LY9: variants seen among roughly 807,000 people sequenced by gnomAD.
LY9 encodes the protein lymphocyte antigen 9.
A neutral mutation model predicts 64.6 loss-of-function variants in LY9; 59 were observed. The observed-to-expected ratio is 0.91, with a 90% CI of 0.74 to 1.13. The LOEUF (loss-of-function observed/expected upper bound fraction) is 1.13, where lower values mean the gene tolerates loss of function less well. Ranked by LOEUF, LY9 falls within the 50% of genes most tolerant of loss-of-function variation. The pLI is 0.00. For synonymous variants in LY9, 281 were observed against 308.5 expected, an observed-to-expected ratio of 0.91 and a Z score of 0.93; for missense variants, 789 against 797.2, an observed-to-expected ratio of 0.99 and a Z score of 0.12.
Position 160,813,899 on chromosome 1 carries a change from C to T in LY9, c.718C>T (p.Gln240Ter). The change falls in exon 3 of 10, where the codon CAG becomes TAG. Residue 240 changes from glutamine (Q) to a stop codon, truncating the protein, a stop_gained. Transcript: ENST00000263285. LOFTEE classifies it high-confidence loss of function. ...AAGCTCCCTCCCTGTCCATGTTGGGCAGTTCTGTACAGGTAACTGGCTCCA... is the reference window on the plus strand; with the variant it reads ...AAGCTCCCTCCCTGTCCATGTTGGGTAGTTCTGTACAGGTAACTGGCTCCA... ...QRSSLPVHVG[Q>*]FCTDPGASRG... 6.2e-7 allele frequency: 1 copy of T among 1,613,416 alleles called. No homozygotes were observed. Among genetic ancestry groups the T allele is most frequent in the Non-Finnish European group, 8.5e-7 (1 of 1,179,656 alleles).
At chr1:160,819,225 A>G (rs919113047) in intron 6 of LY9, 96 bp from the exon 7 acceptor site, 2 of 934,376 alleles carry the variant, frequency 2.1e-6, no homozygotes, top group African/African-American at 3.3e-5. Context: ...TCTATGTCCC[A>G]GAAGTCTCTC....
intron 2 of LY9, chr1:160,802,762 G>A (rs1023160416): frequency 2.6e-6 from 2 of 778,996 alleles, no homozygotes; most frequent in African/African-American, 3.8e-5. Context: ...AGTTTTTGTT[G>A]GATTTGTCAA....
chr1:160,809,059 C>G (rs1158212838), intron 2 of LY9, among the ~76,000 whole-genome samples: 1 of 152,026 alleles, frequency 6.6e-6, no homozygotes, highest in Non-Finnish European at 1.5e-5. Flanking sequence ...AATATTTCCT[C>G]TTATAAACAA....
intron 1 of LY9, chr1:160,799,499 A>G: frequency 2.3e-6 from 1 of 429,904 alleles, no homozygotes; most frequent in East Asian, 3.9e-5. Flanking sequence ...CACAAGGCTA[A>G]TTCCTCTACT....
intron 2 of LY9, among the ~76,000 whole-genome samples, chr1:160,800,973 A>G (rs553675476): frequency 6.6e-6 from 1 of 152,236 alleles, no homozygotes; most frequent in Admixed American, 6.5e-5. Flanking sequence ...GCTAAGGGAC[A>G]CAGATTAATT....
Position 160,814,520 on chromosome 1 carries a change from A to G in LY9, c.831A>G (p.Thr277=), listed in dbSNP as rs1667784904. ...TTGCACTCCCAGCCTGCCGGGACAC[A>G]GAGAAGGTTGTCTGGTTGTTTAACA... ...LPLALPACRD[T]EKVVWLFNTS... Residue 277 remains threonine (T), a synonymous_variant, in exon 4 of 10, where the codon ACA becomes ACG. Transcript: ENST00000263285. The G allele has an allele frequency of 1.2e-6, 2 of 1,614,184 alleles. No homozygotes were observed. The highest frequency in any genetic ancestry group is 1.7e-6 in the Non-Finnish European group (2 of 1,180,024).
At chr1:160,801,575 T>C (rs1186794750) in intron 2 of LY9, among the ~76,000 whole-genome samples, 1 of 152,146 alleles carries the variant, frequency 6.6e-6, no homozygotes, top group Non-Finnish European at 1.5e-5. Flanking sequence ...GTTTGTCTAT[T>C]TTTGTTTTTG....
intron 1 of LY9, among the ~76,000 whole-genome samples, chr1:160,796,749 C>G (rs190450924): frequency 6.6e-6 from 1 of 152,192 alleles, no homozygotes; most frequent in Non-Finnish European, 1.5e-5. Flanking sequence ...CATATTCGTG[C>G]ACTATGAAGG....
chr1:160,823,850 T>C, intron 8 of LY9, 54 bp downstream of exon 8: 1 of 1,414,610 alleles, frequency 7.1e-7, no homozygotes, highest in Non-Finnish European at 9.8e-7. Flanking sequence ...TAGCGGCATC[T>C]GAGATCCTGG....
intron 1 of LY9, 74 bp downstream of exon 1, chr1:160,796,385 G>T: frequency 2.1e-6 from 3 of 1,455,706 alleles, no homozygotes; most frequent in Non-Finnish European, 1.8e-6. Context: ...CTGCCTGGGA[G>T]ATTCTTTTTT....
At chr1:160,813,533 C>T (rs1475357585) in intron 2 of LY9, 103 bp from the exon 3 acceptor site, 11 of 1,200,052 alleles carry the variant, frequency 9.2e-6, no homozygotes, top group Non-Finnish European at 1.2e-5. Flanking sequence ...ACGCTGGCCT[C>T]TCTCTGCTGC....
chr1:160,800,074 T>C lies in LY9; in HGVS notation c.446T>C (p.Phe149Ser). 1 of 1,611,704 alleles carries C rather than the reference T, an allele frequency of 6.2e-7. No individual in the cohort carries two copies. The highest frequency in any genetic ancestry group is 1.1e-5 in the South Asian group (1 of 90,930). The change falls in exon 2 of 10, where the codon TTC becomes TCC. Residue 149 changes from phenylalanine (F) to serine (S), a missense_variant. By Grantham distance (155) the Phe-to-Ser change is radical (BLOSUM62 -2). Coordinates refer to ENST00000263285, the MANE Select transcript of LY9 (RefSeq NM_002348.4). ...ACCACTGAGGAGGAATTCACCCTGT[T>C]CGTCTATGGTGAGTTCCAGAGAGCT... ...EVTTEEEFTLFVYEQLQEPQV... is the reference protein window; with the variant it reads ...EVTTEEEFTLSVYEQLQEPQV...
At chr1:160,811,432 A>G (rs959466576) in intron 2 of LY9, 1 of 152,172 alleles carries the variant, frequency 6.6e-6, no homozygotes, top group African/African-American at 2.4e-5. Context: ...CGCAATATGA[A>G]TAGGTGACAT....
Position 160,816,664 on chromosome 1 carries a change from G to A in LY9, c.1143G>A (p.Leu381=). The change falls in exon 5 of 10, where the codon CTG becomes CTA. Residue 381 remains leucine (L), a synonymous_variant. Transcript: ENST00000263285. The part of the protein sequence containing the change: ...HSEDGICRIS[L]TCSVEDGGNT... ...AGGATGGCATCTGCAGGATCAGCCT[G>A]ACCTGCTCCGTGGAGGACGGGGGAA... 1 of 1,614,120 alleles carries A rather than the reference G, an allele frequency of 6.2e-7. No homozygotes were observed.
intron 1 of LY9, chr1:160,799,078 G>C (rs982313836): frequency 2.0e-5 from 3 of 152,418 alleles, no homozygotes; most frequent in African/African-American, 4.8e-5. Context: ...AGTACCACCA[G>C]CTATTCCCAC....
At chr1:160,800,155 A>C in intron 2 of LY9, 73 bp downstream of exon 2, 1 of 1,203,132 alleles carries the variant, frequency 8.3e-7, no homozygotes, top group Non-Finnish European at 1.2e-6. Context: ...GGTATGTGTG[A>C]AATTTTGTTA....
Position 160,813,635 on chromosome 1 carries a change from G to A in LY9, c.455-1G>A. 1 of 1,612,802 alleles carries A rather than the reference G, an allele frequency of 6.2e-7. No homozygotes were observed. Among genetic ancestry groups the A allele is most frequent in the Non-Finnish European group, 8.5e-7 (1 of 1,179,220 alleles). ...ATCTTCCCATGCTGTTGTCCCTGCAGAGCAGCTGCAGGAGCCCCAAGTCAC... is the reference window on the plus strand; with the variant it reads ...ATCTTCCCATGCTGTTGTCCCTGCAAAGCAGCTGCAGGAGCCCCAAGTCAC... On this transcript the variant is annotated splice_acceptor_variant, in intron 2 of 9. Coordinates refer to ENST00000263285, the MANE Select transcript of LY9 (RefSeq NM_002348.4). LOFTEE classifies it high-confidence loss of function.
chr1:160,807,364 G>A (rs1186553349), intron 2 of LY9, among the ~76,000 whole-genome samples: 1 of 152,132 alleles, frequency 6.6e-6, no homozygotes, highest in Non-Finnish European at 1.5e-5. Context: ...TTCCTCAGTA[G>A]GTCAGAGTGT....
At chr1:160,827,143 T>A (rs1260431201) in intron 9 of LY9, among the ~76,000 whole-genome samples, 2 of 152,252 alleles carry the variant, frequency 1.3e-5, no homozygotes, top group African/African-American at 4.8e-5. Flanking sequence ...CTACTTGATC[T>A]GGAAATTCTC....
Sources: gnomAD v4.1 joint callset for allele counts (sites outside exome capture counted in the v4.1 genomes callset) on GRCh38, gnomAD v4.1.1 for gene constraint, MANE v1.5 for transcripts, NCBI Gene and HGNC (gene_info 2026-07-23, HGNC 2026-07-21) for gene names.